ALDH5A1: variants seen among roughly 807,000 people sequenced by gnomAD.
ALDH5A1 encodes the protein succinate-semialdehyde dehydrogenase, mitochondrial.
A neutral mutation model predicts 54.7 loss-of-function variants in ALDH5A1; 33 were observed. The ratio of observed to expected loss-of-function variants is 0.60; its 90% CI spans 0.46 to 0.81. The LOEUF (loss-of-function observed/expected upper bound fraction) is 0.81. Ranked by LOEUF, ALDH5A1 falls within the 30% of genes least tolerant of loss-of-function variation. The pLI, the probability that ALDH5A1 is intolerant of heterozygous loss-of-function variation, is 0.00. For missense variants in ALDH5A1, 657 were observed against 711.0 expected, an observed-to-expected ratio of 0.92 and a Z score of 0.86; for synonymous variants, 294 against 292.7, an observed-to-expected ratio of 1.00 and a Z score of -0.05.
intron 1 of ALDH5A1, among the ~76,000 whole-genome samples, chr6:24,496,423 A>C (rs1387882268): frequency 1.3e-5 from 2 of 152,250 alleles, no homozygotes; most frequent in Non-Finnish European, 2.9e-5. Context: ...ATGCAGCATC[A>C]ACAGTGTGAC....
chr6:24,524,249 T>C (rs957074478), intron 7 of ALDH5A1, among the ~76,000 whole-genome samples: 1 of 152,078 alleles, frequency 6.6e-6, no homozygotes, highest in Non-Finnish European at 1.5e-5. Flanking sequence ...CCTCCCAAAG[T>C]GCTGGGATTA....
At chr6:24,517,127 T>G (rs1481656953) in intron 5 of ALDH5A1, among the ~76,000 whole-genome samples, 2 of 152,078 alleles carry the variant, frequency 1.3e-5, no homozygotes, top group African/African-American at 4.8e-5. Context: ...GTGCTCAGAT[T>G]CTTGAGTAGC....
intron 7 of ALDH5A1, 92 bp from the exon 8 acceptor site, chr6:24,527,903 GAA>G (rs4646848): frequency 2.9e-5 from 42 of 1,424,596 alleles, no homozygotes; most frequent in Middle Eastern, 3.6e-4. Context: ...TTTTGAAAAA[GAA>G]AAAAAAATGG....
chr6:24,523,991 T>TA, intron 7 of ALDH5A1, among the ~76,000 whole-genome samples: 1 of 149,574 alleles, frequency 6.7e-6, no homozygotes, highest in African/African-American at 2.5e-5. Context: ...TTGTGTTTTT[T>TA]TTTTTTTTTT....
At chr6:24,499,181 A>G (rs565320384) in intron 1 of ALDH5A1, among the ~76,000 whole-genome samples, 1 of 151,948 alleles carries the variant, frequency 6.6e-6, no homozygotes, top group South Asian at 2.1e-4. Flanking sequence ...CCAGCTACTC[A>G]AGAGGCTGAG....
At chr6:24,522,988 G>C in intron 7 of ALDH5A1, 63 bp downstream of exon 7, 1 of 1,061,240 alleles carries the variant, frequency 9.4e-7, no homozygotes. Context: ...AGCTTAATCA[G>C]CAAAAAACAC....
At position 24,503,549 on chromosome 6, in the gene ALDH5A1, T is replaced by TC; in HGVS notation, c.609+116_609+117insC. 3 of 1,241,788 alleles carry TC rather than the reference T, an allele frequency of 2.4e-6. No individual in the cohort carries two copies. In the South Asian group the frequency reaches 4.0e-5, roughly 17 times the overall value. 76.9% of individuals were successfully genotyped at this position (1,241,788 alleles called of 1,614,324 possible). The stretch of plus-strand genomic sequence containing the variant: ...TCCTGTTAGTTTTGTCACCTGTTCC[T>TC]GGTTTCCTGATGCTTTTGCTGGATG... On this transcript the variant is annotated intron_variant, in intron 3 of 9. Transcript: ENST00000357578.
At chr6:24,514,209 T>C (rs754953392) in intron 4 of ALDH5A1, among the ~76,000 whole-genome samples, 3 of 152,228 alleles carry the variant, frequency 2.0e-5, no homozygotes, top group Non-Finnish European at 4.4e-5. Context: ...TGCATTCTTC[T>C]CTGCTATGCC....
At chr6:24,526,969 T>TCTA (rs1313426225) in intron 7 of ALDH5A1, among the ~76,000 whole-genome samples, 1 of 7,294 alleles carries the variant, frequency 1.4e-4, no homozygotes, top group Non-Finnish European at 7.1e-4. Flanking sequence ...TATATATGTG[T>TCTA]GTGTGTATAT....
Position 24,495,214 on chromosome 6 carries a change from C to T in ALDH5A1, c.218C>T (p.Ala73Val). 1.3e-6 allele frequency: 2 copies of T among 1,509,368 alleles called. No homozygotes were observed. The highest frequency in any genetic ancestry group is 1.8e-6 in the Non-Finnish European group (2 of 1,136,832). 93.5% of individuals were successfully genotyped at this position (1,509,368 alleles called of 1,614,324 possible). ...GTGGGCGGCCGCTGGCTCCCGGCCG[C>T]CGCCACCTTCCCCGTGCAAGACCCG... is the stretch of plus-strand genomic sequence containing the variant. ...SFVGGRWLPAAATFPVQDPAS... is the reference protein window; with the variant it reads ...SFVGGRWLPAVATFPVQDPAS... Residue 73 changes from alanine (A) to valine (V), a missense_variant, in exon 1 of 10, where the codon GCC becomes GTC. Physicochemically the swap from Ala to Val is moderately conservative, Grantham distance 64. Coordinates refer to ENST00000357578, the MANE Select transcript of ALDH5A1 (RefSeq NM_001080.3).
rs201826601 is a variant in ALDH5A1 at position 24,533,487 on chromosome 6, G to A, written c.1403-20G>A. The stretch of plus-strand genomic sequence containing the variant: ...AATGACTCTTCTAAATGCCATATAT[G>A]TCCTTTTATCCTGTGACAGGTTATT... On this transcript the variant is annotated intron_variant, in intron 9 of 9. Transcript: ENST00000357578. The A allele has an allele frequency of 5.6e-6, 9 of 1,612,710 alleles. No individual in the cohort carries two copies. Among genetic ancestry groups the A allele is most frequent in the Admixed American group, 5.0e-5 (3 of 60,004 alleles).
At position 24,509,429 on chromosome 6, in the gene ALDH5A1, T is replaced by C. The variant is rs1759423230; in HGVS notation, c.726+4444T>C. On this transcript the variant is annotated intron_variant, in intron 4 of 9. Coordinates refer to ENST00000357578, the MANE Select transcript of ALDH5A1 (RefSeq NM_001080.3). This position sits in a 1 kb window ranked among gnomAD's most constrained non-coding sequence, Gnocchi z 4.7. ...CAATAGGATTGATACCAATTCTTCT[T>C]TGAATGTCTGGTAGAATTCTGCTGT... Among the ~76,000 whole-genome samples, 1 of 152,252 alleles carries C rather than the reference T, an allele frequency of 6.6e-6. No individual in the cohort carries two copies. Among genetic ancestry groups the C allele is most frequent in the South Asian group, 2.1e-4 (1 of 4,838 alleles).
intron 9 of ALDH5A1, 66 bp from the exon 10 acceptor site, chr6:24,533,431 TGGTGCCCTCA>T (rs1462414632): frequency 2.0e-5 from 30 of 1,480,570 alleles, no homozygotes; most frequent in Non-Finnish European, 2.7e-5. Flanking sequence ...AAGTCATCAA[TGGTGCCCTCA>T]TCTTTAGGCA....
rs145796678 is a variant in ALDH5A1, at chr6:24,531,989, G to A, written c.1344-130G>A. On this transcript the variant is annotated intron_variant, in intron 8 of 9. Transcript: ENST00000357578. ...ATGGTGCTGCTTTCTTCTGCAATCT[G>A]CTCTTGGATCTCTTTGCAAAACTCT... 4.0e-4 allele frequency: 324 copies of A among 819,302 alleles called. 5 individuals are homozygous for A. The East Asian group carries it at 8.0e-3, about 20-fold the overall frequency. The allele number at this position is 819,302 out of a possible 1,614,324, so 50.8% of individuals were successfully genotyped here.
chr6:24,523,161 C>T (rs556450035), intron 7 of ALDH5A1, among the ~76,000 whole-genome samples: 42 of 151,948 alleles, frequency 2.8e-4, no homozygotes, highest in Admixed American at 1.3e-3. Flanking sequence ...AGATTTTGAA[C>T]GTTCCCAGTA....
chr6:24,521,438 G>T (rs1472357235), intron 6 of ALDH5A1, among the ~76,000 whole-genome samples: 1 of 152,122 alleles, frequency 6.6e-6, no homozygotes, highest in African/African-American at 2.4e-5. Context: ...CTGCTGCCAG[G>T]GTCCTGCCTT....
rs1271075914 is a variant in ALDH5A1, at chr6:24,495,212, C to T, written c.216C>T (p.Ala72=). The change falls in exon 1 of 10, where the codon GCC becomes GCT. Residue 72 remains alanine (A), a synonymous_variant. Transcript: ENST00000357578. The part of the protein sequence containing the change: ...DSFVGGRWLP[A]AATFPVQDPA... ...TCGTGGGCGGCCGCTGGCTCCCGGC[C>T]GCCGCCACCTTCCCCGTGCAAGACC... is the stretch of plus-strand genomic sequence containing the variant. The T allele has an allele frequency of 1.3e-6, 2 of 1,508,816 alleles. No individual in the cohort carries two copies. The highest frequency in any genetic ancestry group is 1.8e-6 in the Non-Finnish European group (2 of 1,136,620). 93.5% of individuals were successfully genotyped at this position (1,508,816 alleles called of 1,614,324 possible).
intron 8 of ALDH5A1, among the ~76,000 whole-genome samples, chr6:24,529,297 G>T (rs749789092): frequency 6.6e-6 from 1 of 151,884 alleles, no homozygotes; most frequent in Admixed American, 6.6e-5. Flanking sequence ...CTCCCGAGTA[G>T]CTGGGACTAC....
At position 24,533,504 on chromosome 6, in the gene ALDH5A1, C is replaced by T; in HGVS notation, c.1403-3C>T. The T allele has an allele frequency of 6.2e-7, 1 of 1,613,922 alleles. No homozygotes were observed. The highest frequency in any genetic ancestry group is 8.5e-7 in the Non-Finnish European group (1 of 1,179,892). The stretch of plus-strand genomic sequence containing the variant: ...CCATATATGTCCTTTTATCCTGTGA[C>T]AGGTTATTTTTACTCTCAAGACCCA... On this transcript the variant is annotated splice_region_variant and splice_polypyrimidine_tract_variant and intron_variant, in intron 9 of 9. Transcript: ENST00000357578.
Sources: gnomAD v4.1 joint callset for allele counts (sites outside exome capture counted in the v4.1 genomes callset) on GRCh38, gnomAD v4.1.1 for gene constraint, Gnocchi (gnomAD v3.1) non-coding constraint, MANE v1.5 for transcripts, NCBI Gene and HGNC (gene_info 2026-07-23, HGNC 2026-07-21) for gene names.